Variants in MRRF observed in about 807,000 individuals in gnomAD.
The protein encoded by MRRF is ribosome-recycling factor, mitochondrial.
MRRF carries 18 observed loss-of-function variants against 25.1 expected under a neutral mutation model. That is an observed-to-expected ratio of 0.72 (90% CI 0.50 to 1.06). The LOEUF (loss-of-function observed/expected upper bound fraction) is 1.06. Among genes scored for constraint, MRRF ranks in the 50% least tolerant of loss-of-function variants. MRRF has a pLI of 0.00. For missense variants in MRRF, 323 were observed against 319.3 expected (o/e 1.01, Z -0.09); for synonymous variants, 113 against 112.1 (o/e 1.01, Z -0.05).
chr9:122,286,726 GA>G (rs1039215033), intron 4 of MRRF, among the ~76,000 whole-genome samples: 11 of 150,808 alleles, frequency 7.3e-5, no homozygotes, highest in African/African-American at 1.9e-4. Flanking sequence ...AATAAACAAG[GA>G]AAAAAAAATA....
Position 122,313,248 on chromosome 9 carries a change from A to G in MRRF, c.573A>G (p.Glu191=), listed in dbSNP as rs1286121584. ...TCAGAGTAACCAGAGAGCACAGAGA[A>G]ATGCTGGTGAAACTGGCCAAACAGA... ...PIPQVTREHR[E]MLVKLAKQNT... is the part of the protein sequence containing the mutation. The change falls in exon 6 of 7, where the codon GAA becomes GAG. Residue 191 remains glutamate, a synonymous_variant. Transcript: ENST00000344641. 1 of 1,614,126 alleles carries G rather than the reference A, an allele frequency of 6.2e-7. No homozygotes were observed. The highest frequency in any genetic ancestry group is 2.2e-5 in the East Asian group (1 of 44,870).
intron 5 of MRRF, among the ~76,000 whole-genome samples, chr9:122,292,953 G>T (rs535459047): frequency 6.6e-6 from 1 of 152,252 alleles, no homozygotes; most frequent in African/African-American, 2.4e-5. Flanking sequence ...AAGTACTAAT[G>T]ACATGCCAGA....
chr9:122,300,715 T>C (rs745993661), intron 5 of MRRF, among the ~76,000 whole-genome samples: 7 of 152,220 alleles, frequency 4.6e-5, no homozygotes, highest in Non-Finnish European at 5.9e-5. Flanking sequence ...TGTTCTTTTT[T>C]TCCCCTATCT....
intron 6 of MRRF, among the ~76,000 whole-genome samples, chr9:122,316,548 T>G (rs1835539882): frequency 6.6e-6 from 1 of 152,124 alleles, no homozygotes; most frequent in South Asian, 2.1e-4. Flanking sequence ...GTAGAGAGCC[T>G]TATATATACT....
At chr9:122,310,631 C>T (rs1225427764) in intron 5 of MRRF, among the ~76,000 whole-genome samples, 1 of 152,190 alleles carries the variant, frequency 6.6e-6, no homozygotes, top group Non-Finnish European at 1.5e-5. Context: ...TTGTCTCCAC[C>T]ACTAGTCTGA....
chr9:122,268,173 T>C (rs946802576), intron 1 of MRRF, among the ~76,000 whole-genome samples: 4 of 152,262 alleles, frequency 2.6e-5, no homozygotes, highest in East Asian at 1.9e-4. Flanking sequence ...TCTTGACTTC[T>C]GTGCAATTAA....
chr9:122,303,720 A>AG (rs1171260765), intron 5 of MRRF, among the ~76,000 whole-genome samples: 1 of 152,214 alleles, frequency 6.6e-6, no homozygotes, highest in African/African-American at 2.4e-5. Flanking sequence ...TTTAATACAG[A>AG]GGAGGAAACT....
chr9:122,322,836 T>A lies in MRRF; in HGVS notation c.*219T>A. Reference sequence around the variant, plus strand: ...CGGTGGGTGGCTCTCAGAAAATACTTGCTGCTGGCAAAAGGCCTGTACTCA... The same window carrying A: ...CGGTGGGTGGCTCTCAGAAAATACTAGCTGCTGGCAAAAGGCCTGTACTCA... On this transcript the variant is annotated 3_prime_UTR_variant, in exon 7 of 7. Coordinates refer to ENST00000344641, the MANE Select transcript of MRRF (RefSeq NM_138777.5). 1 of 618,328 alleles carries A rather than the reference T, an allele frequency of 1.6e-6. No individual in the cohort carries two copies. Among genetic ancestry groups the A allele is most frequent in the Non-Finnish European group, 2.9e-6 (1 of 343,676 alleles). The allele number at this position is 618,328 out of a possible 1,614,324, so 38.3% of individuals were successfully genotyped here.
rs113762472 is a variant in MRRF at position 122,271,222 on chromosome 9, A to G, written c.184+147A>G. 41 of 766,910 alleles carry G rather than the reference A, an allele frequency of 5.3e-5. 2 individuals carry two copies. Among genetic ancestry groups the G allele is most frequent in the African/African-American group, 2.7e-4 (16 of 58,578 alleles). 47.5% of individuals were successfully genotyped at this position (766,910 alleles called of 1,614,324 possible). A position where few individuals can be genotyped will look rare whatever the true frequency, so the allele number is the denominator to read the frequency against. On this transcript the variant is annotated intron_variant, in intron 2 of 6. Coordinates refer to ENST00000344641, the MANE Select transcript of MRRF (RefSeq NM_138777.5). ...CTCAGCTATTTCATTGGATTAGCTT[A>G]AAAGGTTACAGTGGCAGAGATGGTG...
At chr9:122,293,087 A>G (rs1022250047) in intron 5 of MRRF, among the ~76,000 whole-genome samples, 1 of 152,160 alleles carries the variant, frequency 6.6e-6, no homozygotes, top group African/African-American at 2.4e-5. Flanking sequence ...ATGTCAAGTG[A>G]TAGTAAGGAC....
At chr9:122,292,155 G>A (rs922577816) in intron 5 of MRRF, among the ~76,000 whole-genome samples, 6 of 152,204 alleles carry the variant, frequency 3.9e-5, no homozygotes, top group African/African-American at 1.4e-4. Context: ...AGAAAAGACA[G>A]TGGGATCCAA....
Position 122,325,631 on chromosome 9 carries a change from G to GCT in MRRF, c.*3014_*3015insCT, listed in dbSNP as rs1305136444. ...GAATTTGAGAATTTTTTTCCTGTCT[G>GCT]GTGTGTGTGTGTGTGTGTGTGTGTG... On this transcript the variant is annotated 3_prime_UTR_variant, in exon 7 of 7. Transcript: ENST00000344641. The GCT allele has an allele frequency of 8.6e-6, 1 of 116,590 alleles. No individual in the cohort carries two copies. Among genetic ancestry groups the GCT allele is most frequent in the South Asian group, 3.3e-4 (1 of 3,036 alleles). The allele number at this position is 116,590 out of a possible 1,614,324, so 7.2% of individuals were successfully genotyped here.
At position 122,324,982 on chromosome 9, in the gene MRRF, C is replaced by T. The variant is rs1298433773; in HGVS notation, c.*2365C>T. ...GCCTCTTTTGGGGTAAGCCACATGA[C>T]AGGGGCTTTGCAACAGTCTTTCATG... On this transcript the variant is annotated 3_prime_UTR_variant, in exon 7 of 7. Coordinates refer to ENST00000344641, the MANE Select transcript of MRRF (RefSeq NM_138777.5). The T allele has an allele frequency of 1.3e-5, 2 of 152,190 alleles. No individual in the cohort carries two copies. The highest frequency in any genetic ancestry group is 3.8e-4 in the East Asian group (2 of 5,196). The allele number at this position is 152,190 out of a possible 1,614,324, so 9.4% of individuals were successfully genotyped here.
intron 4 of MRRF, among the ~76,000 whole-genome samples, chr9:122,287,308 C>T (rs779681236): frequency 1.3e-5 from 2 of 152,290 alleles, no homozygotes; most frequent in Non-Finnish European, 2.9e-5. Context: ...CACATGGCAC[C>T]ATTTGGTAAA....
chr9:122,319,127 C>T (rs1373458336), intron 6 of MRRF, among the ~76,000 whole-genome samples: 9 of 150,880 alleles, frequency 6.0e-5, no homozygotes, highest in Admixed American at 5.3e-4. Context: ...AGCCACACCA[C>T]TGAACTTCTT....
chr9:122,329,144 T>C lies in MRRF; in HGVS notation c.*6527T>C, dbSNP rs1019638054. 5 of 152,226 alleles carry C rather than the reference T, an allele frequency of 3.3e-5. No individual in the cohort carries two copies. The highest frequency in any genetic ancestry group is 7.2e-5 in the African/African-American group (3 of 41,454). 9.4% of individuals were successfully genotyped at this position (152,226 alleles called of 1,614,324 possible). A position where few individuals can be genotyped will look rare whatever the true frequency, so the allele number is the denominator to read the frequency against. ...CCCTGGCATTCAGTAACTTCTGCAA[T>C]CTGGGCCTGATGTATTCCTTTAATT... On this transcript the variant is annotated 3_prime_UTR_variant, in exon 7 of 7. Coordinates refer to ENST00000344641, the MANE Select transcript of MRRF (RefSeq NM_138777.5).
At chr9:122,303,899 G>T (rs1161808147) in intron 5 of MRRF, among the ~76,000 whole-genome samples, 1 of 152,158 alleles carries the variant, frequency 6.6e-6, no homozygotes, top group Non-Finnish European at 1.5e-5. Flanking sequence ...TGGCCTGCCT[G>T]TGCTAGCTGC....
At chr9:122,303,273 C>T (rs1834586516) in intron 5 of MRRF, among the ~76,000 whole-genome samples, 1 of 149,306 alleles carries the variant, frequency 6.7e-6, no homozygotes, top group Admixed American at 6.7e-5. Flanking sequence ...ATATGCAAAC[C>T]TAAATAAATA....
At chr9:122,276,848 C>T (rs1832804721) in intron 2 of MRRF, among the ~76,000 whole-genome samples, 1 of 152,076 alleles carries the variant, frequency 6.6e-6, no homozygotes, top group African/African-American at 2.4e-5. Flanking sequence ...TCCTAGTATG[C>T]TTGTAGATTG....
Sources: gnomAD v4.1 joint callset for allele counts (sites outside exome capture counted in the v4.1 genomes callset) on GRCh38, gnomAD v4.1.1 for gene constraint, MANE v1.5 for transcripts, NCBI Gene and HGNC (gene_info 2026-07-23, HGNC 2026-07-21) for gene names.